Variants in CHLSN observed in about 807,000 individuals in gnomAD.
The protein encoded by CHLSN is cholesin.
At chr7:1,127,253 T>C in the CHLSN span, 1 of 1,594,134 alleles carries the variant, frequency 6.3e-7, no homozygotes, top group Non-Finnish European at 8.5e-7. Context: ...ACAGGCGGCC[T>C]TACCTTGGAG....
At chr7:987,652 G>T in the CHLSN span, 7 of 1,020,804 alleles carry the variant, frequency 6.9e-6, no homozygotes, top group Admixed American at 2.9e-5. Context: ...TCCCCGACCG[G>T]AGGCAATAAA....
the CHLSN span, among the ~76,000 whole-genome samples, chr7:1,015,829 G>A: frequency 1.1e-4 from 17 of 152,208 alleles, no homozygotes; most frequent in Admixed American, 8.5e-4. Context: ...ACGGTGAAGC[G>A]AGGCCAAAGG....
At chr7:978,281 G>T in the CHLSN span, among the ~76,000 whole-genome samples, 1 of 152,336 alleles carries the variant, frequency 6.6e-6, no homozygotes, top group African/African-American at 2.4e-5. Context: ...ACTCTGGGAA[G>T]CCGAGGTGGG....
the CHLSN span, chr7:1,057,490 A>G: frequency 6.7e-6 from 5 of 740,852 alleles, no homozygotes; most frequent in Non-Finnish European, 1.0e-5. Flanking sequence ...TTCTTTCCGC[A>G]GGGTCGCGGA....
the CHLSN span, chr7:987,031 C>A: frequency 7.0e-7 from 1 of 1,426,866 alleles, no homozygotes; most frequent in Non-Finnish European, 9.2e-7. Context: ...ATAGTGGAGC[C>A]CAGGGCTGGG....
chr7:1,087,866 G>A, the CHLSN span, among the ~76,000 whole-genome samples: 1 of 152,204 alleles, frequency 6.6e-6, no homozygotes, highest in Non-Finnish European at 1.5e-5. Flanking sequence ...ACAACACCTA[G>A]TATGATGCCT....
chr7:1,042,021 C>T, the CHLSN span, among the ~76,000 whole-genome samples: 2 of 152,184 alleles, frequency 1.3e-5, no homozygotes, highest in African/African-American at 2.4e-5. Context: ...ACAGCAGCCT[C>T]GGCAGTGCGC....
chr7:1,040,212 T>C, the CHLSN span, among the ~76,000 whole-genome samples: 2 of 142,866 alleles, frequency 1.4e-5, no homozygotes, highest in South Asian at 4.2e-4. Context: ...AAATCCAGGC[T>C]GGGCATGCTG....
At chr7:1,076,646 A>T in the CHLSN span, among the ~76,000 whole-genome samples, 41 of 152,392 alleles carry the variant, frequency 2.7e-4, no homozygotes, top group African/African-American at 9.6e-4. Flanking sequence ...CCCTGGGAAA[A>T]GCCGCAGAGG....
chr7:1,095,779 C>T, the CHLSN span, among the ~76,000 whole-genome samples: 1 of 152,232 alleles, frequency 6.6e-6, no homozygotes, highest in East Asian at 1.9e-4. Flanking sequence ...GCTCTCCTGG[C>T]TCAAAGCCCA....
the CHLSN span, among the ~76,000 whole-genome samples, chr7:1,047,639 A>C: frequency 6.6e-6 from 1 of 152,256 alleles, no homozygotes; most frequent in African/African-American, 2.4e-5. Flanking sequence ...TATTCACCCA[A>C]GGTTGAGCGT....
chr7:1,044,065 TCC>T, the CHLSN span, among the ~76,000 whole-genome samples: 2 of 152,246 alleles, frequency 1.3e-5, no homozygotes, highest in African/African-American at 4.8e-5. Flanking sequence ...CTGTGAGTGT[TCC>T]GTTTACAAAG....
chr7:991,907 G>A, the CHLSN span, among the ~76,000 whole-genome samples: 2 of 152,178 alleles, frequency 1.3e-5, no homozygotes, highest in Non-Finnish European at 2.9e-5. Flanking sequence ...GGGCTCTGGG[G>A]ACCTCGAGTG....
chr7:988,624 A>G, the CHLSN span: 12 of 1,602,696 alleles, frequency 7.5e-6, no homozygotes, highest in African/African-American at 1.3e-5. Context: ...GTGCCTGGAC[A>G]TCCCCCGCAG....
At chr7:1,044,590 C>A in the CHLSN span, 1 of 150,816 alleles carries the variant, frequency 6.6e-6, no homozygotes, top group African/African-American at 2.4e-5. Context: ...GCGCCGTGAG[C>A]CCCGCCGCCT....
At chr7:1,006,739 C>A in the CHLSN span, among the ~76,000 whole-genome samples, 6 of 151,436 alleles carry the variant, frequency 4.0e-5, no homozygotes, top group Non-Finnish European at 7.4e-5. Context: ...AGACAAAGAG[C>A]GCACGATGGC....
At chr7:1,028,941 A>T in the CHLSN span, 1 of 379,124 alleles carries the variant, frequency 2.6e-6, no homozygotes, top group African/African-American at 5.4e-5. Flanking sequence ...TCCCCTGCCC[A>T]GGCCCTGCAG....
At chr7:1,065,593 C>A in the CHLSN span, among the ~76,000 whole-genome samples, 1 of 152,200 alleles carries the variant, frequency 6.6e-6, no homozygotes, top group Non-Finnish European at 1.5e-5. Context: ...GCCTCTTCAG[C>A]AGCTCCAGAG....
the CHLSN span, among the ~76,000 whole-genome samples, chr7:1,065,912 A>G: frequency 1.3e-5 from 2 of 152,208 alleles, no homozygotes; most frequent in South Asian, 4.1e-4. Context: ...TCCGGCCTCA[A>G]GGGCAGGCTC....
Sources: gnomAD v4.1 joint callset for allele counts (sites outside exome capture counted in the v4.1 genomes callset) on GRCh38, gnomAD v4.1.1 for gene constraint, MANE v1.5 for transcripts, NCBI Gene and HGNC (gene_info 2026-07-23, HGNC 2026-07-21) for gene names.